LYZL1: variants seen among roughly 807,000 people sequenced by gnomAD.
LYZL1 encodes the protein lysozyme-like protein 1.
Under a neutral mutation model 17.9 loss-of-function variants are expected in LYZL1, and 16 were observed. The observed-to-expected ratio is 0.90, with a 90% CI of 0.61 to 1.36. The LOEUF (loss-of-function observed/expected upper bound fraction) is 1.36. LYZL1 is among the 40% of genes most tolerant of loss of function. LYZL1 has a pLI of 0.00. For synonymous variants in LYZL1, 58 were observed against 71.8 expected (o/e 0.81, Z 0.97); for missense variants, 149 against 188.4 (o/e 0.79, Z 1.22).
At chr10:29,308,328 G>A (rs1835624213) in intron 3 of LYZL1, among the ~76,000 whole-genome samples, 1 of 152,186 alleles carries the variant, frequency 6.6e-6, no homozygotes, top group Admixed American at 6.5e-5. Flanking sequence ...ACTCTGATGG[G>A]CGGTGCTCAC....
At chr10:29,291,072 A>G (rs1374472050) in intron 1 of LYZL1, among the ~76,000 whole-genome samples, 1 of 151,726 alleles carries the variant, frequency 6.6e-6, no homozygotes, top group Non-Finnish European at 1.5e-5. Flanking sequence ...TGTAGGGGTC[A>G]CGGGCACCGA....
downstream of LYZL1, among the ~76,000 whole-genome samples, chr10:29,313,466 G>C (rs529651798): frequency 1.3e-5 from 2 of 152,264 alleles, no homozygotes; most frequent in Non-Finnish European, 1.5e-5. Context: ...AAGACTGGGG[G>C]AAATATTTTT....
intron 3 of LYZL1, among the ~76,000 whole-genome samples, chr10:29,300,004 C>T (rs1419608777): frequency 6.6e-6 from 1 of 152,156 alleles, no homozygotes; most frequent in African/African-American, 2.4e-5. Context: ...TCAACCACGA[C>T]AGAGTGTGAA....
chr10:29,291,799 T>C, intron 1 of LYZL1, 44 bp from the exon 2 acceptor site: 1 of 1,528,830 alleles, frequency 6.5e-7, no homozygotes, highest in Non-Finnish European at 8.9e-7. Flanking sequence ...ATTTCAAAGT[T>C]CCTGAACCAA....
At position 29,292,916 on chromosome 10, in the gene LYZL1, T is replaced by C. The variant is rs183780297; in HGVS notation, c.298+239T>C. On this transcript the variant is annotated intron_variant, in intron 3 of 4. Transcript: ENST00000649382. ...TTTATGAAGCCCCCACTAAAGCAGG[T>C]GGATGGACAAACAACCCTACTGCCC... Among the ~76,000 whole-genome samples the C allele has an allele frequency of 3.9e-3, 590 of 152,230 alleles. 2 individuals carry two copies. Among genetic ancestry groups the C allele is most frequent in the African/African-American group, 0.013 (559 of 41,546 alleles).
exon 4 of LYZL1, chr10:29,317,392 T>A (rs1391804175): frequency 5.3e-5 from 8 of 152,254 alleles, no homozygotes. Context: ...AGACTAGAAG[T>A]ATGAAAGCCA....
chr10:29,311,329 T>C (rs1835670135), downstream of LYZL1: 1 of 1,041,086 alleles, frequency 9.6e-7, no homozygotes, highest in Non-Finnish European at 1.3e-6. Flanking sequence ...GCTCCCTTCT[T>C]CATTGTAGGG....
chr10:29,311,524 T>A (rs1428567172), downstream of LYZL1, among the ~76,000 whole-genome samples: 2 of 152,130 alleles, frequency 1.3e-5, no homozygotes, highest in African/African-American at 2.4e-5. Flanking sequence ...CCCACAAGCC[T>A]AGACACCATT....
At chr10:29,307,933 T>A (rs182241183) in intron 3 of LYZL1, among the ~76,000 whole-genome samples, 80 of 152,354 alleles carry the variant, frequency 5.3e-4, no homozygotes, top group Non-Finnish European at 9.4e-4. Context: ...GAATCCATTA[T>A]ACGCCCACGA....
chr10:29,293,872 G>A (rs1334808921), intron 3 of LYZL1, among the ~76,000 whole-genome samples: 1 of 152,028 alleles, frequency 6.6e-6, no homozygotes, highest in African/African-American at 2.4e-5. Flanking sequence ...TACTCGGGAG[G>A]CTGAAGCGGG....
At chr10:29,303,646 T>G (rs1195950184) in intron 3 of LYZL1, among the ~76,000 whole-genome samples, 1 of 152,208 alleles carries the variant, frequency 6.6e-6, no homozygotes, top group Non-Finnish European at 1.5e-5. Context: ...AAAAGGACAC[T>G]CATATCTGTT....
At chr10:29,294,778 C>A (rs548215003) in intron 3 of LYZL1, among the ~76,000 whole-genome samples, 3 of 152,146 alleles carry the variant, frequency 2.0e-5, no homozygotes, top group African/African-American at 7.2e-5. Flanking sequence ...ATCCCAAGAC[C>A]CCCAGCTGAT....
At chr10:29,293,127 CTTTTTTCT>C (rs1330095424) in intron 3 of LYZL1, among the ~76,000 whole-genome samples, 3 of 104,198 alleles carry the variant, frequency 2.9e-5, no homozygotes, top group Admixed American at 1.1e-4. Flanking sequence ...CTTTTCTTTT[CTTTTTTCT>C]TTTTTTTTTT....
At chr10:29,312,231 C>A (rs1227234497), downstream of LYZL1, among the ~76,000 whole-genome samples, 2 of 152,120 alleles carry the variant, frequency 1.3e-5, no homozygotes, top group Non-Finnish European at 2.9e-5. Flanking sequence ...TAGCTCTTAC[C>A]CCTGACATCA....
At chr10:29,289,374 A>T in intron 1 of LYZL1, 144 bp downstream of exon 1, 1 of 554,172 alleles carries the variant, frequency 1.8e-6, no homozygotes, top group Non-Finnish European at 2.9e-6. Context: ...GATGGAAACC[A>T]ACTCTATTTG....
At chr10:29,289,592 T>C (rs1344371958) in intron 1 of LYZL1, among the ~76,000 whole-genome samples, 3 of 151,558 alleles carry the variant, frequency 2.0e-5, no homozygotes, top group African/African-American at 7.3e-5. Context: ...CTAATTTTTG[T>C]ATATTTTGTA....
chr10:29,304,327 C>A (rs923487606), intron 3 of LYZL1, among the ~76,000 whole-genome samples: 1 of 152,084 alleles, frequency 6.6e-6, no homozygotes, highest in Non-Finnish European at 1.5e-5. Flanking sequence ...ATTATTGACT[C>A]TCTATCTAGT....
At position 29,291,815 on chromosome 10, in the gene LYZL1, T is replaced by C. The variant is rs78900476; in HGVS notation, c.-25-28T>C. ...TTTCAAAGTTCCTGAACCAAGATCG[T>C]CTGACCTGTTCTCCGGCTCTTTGGC... On this transcript the variant is annotated intron_variant, in intron 1 of 4. Transcript: ENST00000649382. 2.0e-3 allele frequency: 3,105 copies of C among 1,533,622 alleles called. 139 individuals are homozygous for C. The African/African-American group carries it at 0.028, about 14-fold the overall frequency.
At chr10:29,294,485 A>G (rs1467042937) in intron 3 of LYZL1, among the ~76,000 whole-genome samples, 1 of 152,202 alleles carries the variant, frequency 6.6e-6, no homozygotes, top group East Asian at 1.9e-4. Flanking sequence ...CAGAGGGCAG[A>G]GCTCAGTCAA....
Sources: gnomAD v4.1 joint callset for allele counts (sites outside exome capture counted in the v4.1 genomes callset) on GRCh38, gnomAD v4.1.1 for gene constraint, MANE v1.5 for transcripts, NCBI Gene and HGNC (gene_info 2026-07-23, HGNC 2026-07-21) for gene names.